HSD17B12: variants seen among roughly 807,000 people sequenced by gnomAD.
HSD17B12 encodes hydroxysteroid 17-beta dehydrogenase 12.
Under a neutral mutation model 39.3 loss-of-function variants are expected in HSD17B12, and 32 were observed. The observed-to-expected ratio is 0.81, with a 90% CI of 0.61 to 1.09. The LOEUF (loss-of-function observed/expected upper bound fraction) is 1.09. HSD17B12 is among the 50% of genes least tolerant of loss of function. The pLI is 0.00. For synonymous variants in HSD17B12, 150 were observed against 146.7 expected (o/e 1.02, Z -0.16); for missense variants, 342 against 382.9 (o/e 0.89, Z 0.89).
the HSD17B12 span, among the ~76,000 whole-genome samples, chr11:43,661,160 A>G: frequency 3.3e-5 from 5 of 152,170 alleles, no homozygotes; most frequent in Non-Finnish European, 5.9e-5. Context: ...CTGCCAATAC[A>G]CACCACAGCT....
intron 3 of HSD17B12, among the ~76,000 whole-genome samples, chr11:43,795,214 G>A (rs999823850): frequency 9.9e-5 from 15 of 152,140 alleles, no homozygotes; most frequent in African/African-American, 3.6e-4. Flanking sequence ...GAAGGGGGAA[G>A]ATGCCTAGAT....
intron 3 of HSD17B12, among the ~76,000 whole-genome samples, chr11:43,755,696 C>A (rs1950502487): frequency 1.3e-5 from 2 of 152,216 alleles, no homozygotes; most frequent in Admixed American, 1.3e-4. Context: ...CATTCTCTCA[C>A]ATGTATTGTC....
chr11:43,741,734 C>CT (rs534584200), intron 1 of HSD17B12, among the ~76,000 whole-genome samples: 1,455 of 130,420 alleles, frequency 0.011, 25 homozygotes, highest in African/African-American at 0.029. Flanking sequence ...TTTTCTTTTT[C>CT]TTTTTTTTTT....
At chr11:43,692,826 T>C (rs1237210163) in intron 1 of HSD17B12, among the ~76,000 whole-genome samples, 1 of 149,278 alleles carries the variant, frequency 6.7e-6, no homozygotes, top group Non-Finnish European at 1.5e-5. Flanking sequence ...AAAATCTCTT[T>C]GATAGTAAAT....
chr11:43,718,780 C>T, intron 1 of HSD17B12: 1 of 1,103,804 alleles, frequency 9.1e-7, no homozygotes, highest in South Asian at 1.3e-5. Context: ...TTCACAGCCA[C>T]AAAAAAAAGA....
At chr11:43,849,731 C>T (rs1951513635) in intron 9 of HSD17B12, among the ~76,000 whole-genome samples, 1 of 152,170 alleles carries the variant, frequency 6.6e-6, no homozygotes, top group Non-Finnish European at 1.5e-5. Context: ...TACTGTACAC[C>T]TTTGTTTTAA....
intron 1 of HSD17B12, among the ~76,000 whole-genome samples, chr11:43,705,802 T>C (rs1950009441): frequency 7.5e-6 from 1 of 134,210 alleles, no homozygotes; most frequent in Non-Finnish European, 1.6e-5. Flanking sequence ...AGGGTCTTGC[T>C]CTGTCACCCA....
chr11:43,733,756 A>C (rs1950290289), intron 1 of HSD17B12: 1 of 648,012 alleles, frequency 1.5e-6, no homozygotes, highest in Non-Finnish European at 2.8e-6. Context: ...AGCAGAAGAA[A>C]ACTTGGCTGC....
At chr11:43,761,595 G>A (rs183963506) in intron 3 of HSD17B12, among the ~76,000 whole-genome samples, 59 of 152,342 alleles carry the variant, frequency 3.9e-4, no homozygotes, top group African/African-American at 1.3e-3. Flanking sequence ...AGGTCACTCA[G>A]TGATATTTTG....
chr11:43,807,692 A>G (rs1346470321), intron 4 of HSD17B12, among the ~76,000 whole-genome samples: 2 of 152,198 alleles, frequency 1.3e-5, no homozygotes, highest in Non-Finnish European at 2.9e-5. Context: ...ACTATTTCAG[A>G]AGTGAGACAT....
chr11:43,853,454 T>G (rs1951552942), intron 9 of HSD17B12: 1 of 152,038 alleles, frequency 6.6e-6, no homozygotes, highest in Admixed American at 6.5e-5. Flanking sequence ...ATTTTAAGAT[T>G]TTGACCACCA....
the HSD17B12 span, among the ~76,000 whole-genome samples, chr11:43,631,609 GTCTC>G: frequency 5.4e-4 from 63 of 116,584 alleles, no homozygotes; most frequent in African/African-American, 9.4e-4. Context: ...CTCTCTCTCT[GTCTC>G]TCTCTCTCTG....
rs117783905 is a variant in HSD17B12, at chr11:43,743,260, T to G, written c.161-7651T>G. Reference sequence around the variant, plus strand: ...TTAAAATGATGAAGTAGCAATACTTTTGACCTTTCATCTCTTGGAAATGTT... The same window carrying G: ...TTAAAATGATGAAGTAGCAATACTTGTGACCTTTCATCTCTTGGAAATGTT... On this transcript the variant is annotated intron_variant, in intron 1 of 10. Coordinates refer to ENST00000278353, the MANE Select transcript of HSD17B12 (RefSeq NM_016142.3). Among the ~76,000 whole-genome samples, 595 of 152,334 alleles carry G rather than the reference T, an allele frequency of 3.9e-3. 6 individuals are homozygous for G. The East Asian group carries it at 0.044, about 11-fold the overall frequency.
At chr11:43,697,456 C>A (rs1409719726) in intron 1 of HSD17B12, among the ~76,000 whole-genome samples, 5 of 152,188 alleles carry the variant, frequency 3.3e-5, no homozygotes, top group East Asian at 1.9e-4. Flanking sequence ...TTAATTGACT[C>A]ATTTAATCTG....
intron 4 of HSD17B12, among the ~76,000 whole-genome samples, chr11:43,814,993 C>T (rs1428806684): frequency 6.6e-6 from 1 of 152,192 alleles, no homozygotes; most frequent in Non-Finnish European, 1.5e-5. Context: ...TTGTACATGA[C>T]TTATCCCAAA....
At chr11:43,668,397 C>T in the HSD17B12 span, among the ~76,000 whole-genome samples, 61 of 152,254 alleles carry the variant, frequency 4.0e-4, no homozygotes, top group African/African-American at 1.4e-3. Flanking sequence ...TAAGGACCTC[C>T]CCTGTGATTG....
chr11:43,564,137 G>A, the HSD17B12 span, among the ~76,000 whole-genome samples: 2 of 152,010 alleles, frequency 1.3e-5, no homozygotes, highest in African/African-American at 2.4e-5. Context: ...GTGCACCACC[G>A]TGCCTGGCCC....
chr11:43,799,850 G>C (rs1456748017), intron 4 of HSD17B12, among the ~76,000 whole-genome samples: 3 of 152,070 alleles, frequency 2.0e-5, no homozygotes, highest in African/African-American at 7.2e-5. Context: ...GCATAGTACT[G>C]TTGCACCTGG....
intron 1 of HSD17B12, among the ~76,000 whole-genome samples, chr11:43,721,733 T>G (rs1950178021): frequency 6.6e-6 from 1 of 151,722 alleles, no homozygotes; most frequent in Non-Finnish European, 1.5e-5. Context: ...GAGGAGAAAA[T>G]GGTAGTAGAA....
Sources: allele counts gnomAD v4.1 joint callset (sites outside exome capture counted in the v4.1 genomes callset), GRCh38; gene constraint gnomAD v4.1.1; transcripts MANE v1.5; gene names NCBI Gene and HGNC (gene_info 2026-07-23, HGNC 2026-07-21).